Variants in UBE2E2 observed in about 807,000 individuals in gnomAD.
UBE2E2 encodes ubiquitin conjugating enzyme E2 E2, also known as ubiquitin-conjugating enzyme E2 E2.
Under a neutral mutation model 24.7 loss-of-function variants are expected in UBE2E2, and 6 were observed. That is an observed-to-expected ratio of 0.24 (90% CI 0.13 to 0.48). UBE2E2 has a LOEUF of 0.48. Ranked by LOEUF, UBE2E2 falls within the 20% of genes least tolerant of loss-of-function variation. The pLI is 0.99. For missense variants in UBE2E2, 169 were observed against 245.0 expected (o/e 0.69, Z 2.07); for synonymous variants, 104 against 83.6 (o/e 1.24, Z -1.33).
chr3:23,546,853 A>G (rs1695535906), intron 5 of UBE2E2, among the ~76,000 whole-genome samples: 1 of 152,174 alleles, frequency 6.6e-6, no homozygotes, highest in Non-Finnish European at 1.5e-5. Flanking sequence ...AGTGGTGAAA[A>G]CAGATGATTA....
chr3:23,500,475 T>C (rs1016635535), intron 4 of UBE2E2, among the ~76,000 whole-genome samples: 2 of 152,222 alleles, frequency 1.3e-5, no homozygotes, highest in African/African-American at 4.8e-5. Flanking sequence ...TTGACTGTTT[T>C]AAATATTGTG....
At chr3:23,273,938 A>G (rs919237610) in intron 3 of UBE2E2, 6 of 152,264 alleles carry the variant, frequency 3.9e-5, no homozygotes, top group Non-Finnish European at 7.3e-5. Context: ...TATATGTAAT[A>G]AAGTGTGATC....
intron 3 of UBE2E2, among the ~76,000 whole-genome samples, chr3:23,440,302 C>G (rs930968102): frequency 6.6e-6 from 1 of 152,066 alleles, no homozygotes; most frequent in African/African-American, 2.4e-5. Flanking sequence ...ATAATGGGGT[C>G]TCACTATGTT....
At chr3:23,455,668 G>A (rs545929932) in intron 3 of UBE2E2, among the ~76,000 whole-genome samples, 79 of 152,250 alleles carry the variant, frequency 5.2e-4, no homozygotes, top group Middle Eastern at 6.8e-3. Flanking sequence ...TCCAGTGTAA[G>A]CAACAGAGCG....
At chr3:23,449,059 G>C (rs1489123630) in intron 3 of UBE2E2, among the ~76,000 whole-genome samples, 1 of 152,116 alleles carries the variant, frequency 6.6e-6, no homozygotes, top group Non-Finnish European at 1.5e-5. Flanking sequence ...GTATACTATG[G>C]CATGCCATTG....
At chr3:23,584,753 T>C (rs1696578657) in intron 5 of UBE2E2, among the ~76,000 whole-genome samples, 3 of 117,748 alleles carry the variant, frequency 2.5e-5, no homozygotes, top group Non-Finnish European at 5.2e-5. Context: ...TTTTTTTTTG[T>C]AGAGATGGGT....
chr3:23,570,980 C>T (rs1696204940), intron 5 of UBE2E2, among the ~76,000 whole-genome samples: 1 of 152,048 alleles, frequency 6.6e-6, no homozygotes, highest in Non-Finnish European at 1.5e-5. Flanking sequence ...ACCATTTTTG[C>T]ATTTCAAGTT....
chr3:23,568,734 C>CATATATATATATATGTATACAT (rs1553621703), intron 5 of UBE2E2, among the ~76,000 whole-genome samples: 3 of 131,408 alleles, frequency 2.3e-5, no homozygotes, highest in African/African-American at 8.9e-5. Flanking sequence ...TATATGTATA[C>CATATATATATATATGTATACAT]ATATATATAT....
In UBE2E2 at chr3:23,513,680, C is replaced by T. The variant is rs151190616; in HGVS notation, c.360+13940C>T. On this transcript the variant is annotated intron_variant, in intron 4 of 5. Coordinates refer to ENST00000396703, the MANE Select transcript of UBE2E2 (RefSeq NM_152653.4). ...TACAAAGTTATACTCCCAACTTAGG[C>T]ACACCTGCCTCTTTTCCTACATCCT... Among the ~76,000 whole-genome samples the T allele has an allele frequency of 7.9e-3, 1,203 of 152,304 alleles. 21 individuals carry two copies. Among genetic ancestry groups the T allele is most frequent in the African/African-American group, 0.027 (1,121 of 41,556 alleles).
In UBE2E2 at chr3:23,229,930, T is replaced by C. The variant is rs542521460; in HGVS notation, c.227+12618T>C. Among the ~76,000 whole-genome samples, 11 of 152,356 alleles carry C rather than the reference T, an allele frequency of 7.2e-5. 1 individual carries two copies. Among genetic ancestry groups the C allele is most frequent in the African/African-American group, 1.2e-4 (5 of 41,588 alleles). ...AAATAGCTTTTTAAGGTTAAACTTA[T>C]AAGTATATGCTTAAACTTATGTTTA... is the stretch of plus-strand genomic sequence containing the variant. On this transcript the variant is annotated intron_variant, in intron 3 of 5. Transcript: ENST00000396703.
At chr3:23,328,766 A>C (rs1383934198) in intron 3 of UBE2E2, among the ~76,000 whole-genome samples, 4 of 151,002 alleles carry the variant, frequency 2.6e-5, no homozygotes, top group African/African-American at 7.3e-5. Context: ...GATTCAAGCG[A>C]TTCTCCTGCC....
At chr3:23,543,496 A>G (rs1372544613) in intron 5 of UBE2E2, among the ~76,000 whole-genome samples, 1 of 152,102 alleles carries the variant, frequency 6.6e-6, no homozygotes, top group African/African-American at 2.4e-5. Context: ...CTGGGAATAT[A>G]GTTAACCAAG....
intron 3 of UBE2E2, among the ~76,000 whole-genome samples, chr3:23,360,684 T>G (rs1376364992): frequency 6.6e-6 from 1 of 152,098 alleles, no homozygotes; most frequent in Non-Finnish European, 1.5e-5. Flanking sequence ...TTTTGAAAGA[T>G]TACCTGTTTG....
intron 3 of UBE2E2, among the ~76,000 whole-genome samples, chr3:23,409,133 T>G (rs1482028324): frequency 6.6e-6 from 1 of 152,176 alleles, no homozygotes; most frequent in East Asian, 1.9e-4. Flanking sequence ...AATAATAGAA[T>G]GTGGATTGTG....
chr3:23,310,416 C>T lies in UBE2E2; in HGVS notation c.227+93104C>T, dbSNP rs554842577. On this transcript the variant is annotated intron_variant, in intron 3 of 5. Coordinates refer to ENST00000396703, the MANE Select transcript of UBE2E2 (RefSeq NM_152653.4). ...AGACTGACTAAACACATCTCCAAAC[C>T]TTCTAATTTCTTGTTCGTTATTGTT... Among the ~76,000 whole-genome samples the T allele has an allele frequency of 1.4e-3, 216 of 151,706 alleles. 4 individuals are homozygous for T. The highest frequency in any genetic ancestry group is 2.5e-3 in the South Asian group (12 of 4,802).
At chr3:23,232,930 G>T (rs950011430) in intron 3 of UBE2E2, among the ~76,000 whole-genome samples, 23 of 152,230 alleles carry the variant, frequency 1.5e-4, no homozygotes, top group Admixed American at 2.0e-4. Context: ...TCAGCTGCAA[G>T]TGCTGAAGGG....
intron 3 of UBE2E2, among the ~76,000 whole-genome samples, chr3:23,429,106 G>A (rs185945395): frequency 4.0e-5 from 6 of 151,710 alleles, no homozygotes; most frequent in Admixed American, 1.3e-4. Flanking sequence ...CACAAACTAA[G>A]TAGGCCTTAC....
chr3:23,239,178 C>T lies in UBE2E2; in HGVS notation c.227+21866C>T, dbSNP rs547434823. ...TCATTCTCAACCTCAGTTATGATAC[C>T]GTAATATAGTGATCAATTATGGAAC... On this transcript the variant is annotated intron_variant, in intron 3 of 5. Coordinates refer to ENST00000396703, the MANE Select transcript of UBE2E2 (RefSeq NM_152653.4). Among the ~76,000 whole-genome samples, 11 of 151,948 alleles carry T rather than the reference C, an allele frequency of 7.2e-5. 1 individual carries two copies. In the East Asian group the frequency reaches 1.7e-3, roughly 24 times the overall value.
At chr3:23,235,057 C>CTG (rs1179330804) in intron 3 of UBE2E2, among the ~76,000 whole-genome samples, 1 of 152,130 alleles carries the variant, frequency 6.6e-6, no homozygotes, top group Non-Finnish European at 1.5e-5. Context: ...CAGCACTGTG[C>CTG]TGTATACTGG....
Sources: gnomAD v4.1 joint callset for allele counts (sites outside exome capture counted in the v4.1 genomes callset) on GRCh38, gnomAD v4.1.1 for gene constraint, MANE v1.5 for transcripts, NCBI Gene and HGNC (gene_info 2026-07-23, HGNC 2026-07-21) for gene names.